Variants in PLEC observed in about 807,000 individuals in gnomAD.
PLEC encodes plectin.
A neutral mutation model predicts 392.8 loss-of-function variants in PLEC; 216 were observed. That is an observed-to-expected ratio of 0.55 (90% CI 0.49 to 0.62). The LOEUF is 0.62. PLEC is among the 20% of genes least tolerant of loss of function. The pLI, the probability that PLEC is intolerant of heterozygous loss-of-function variation, is 0.00. For synonymous variants in PLEC, 3,621 were observed against 2,980.6 expected, an observed-to-expected ratio of 1.21 and a Z score of -7.00; for missense variants, 6,863 against 6,563.4, an observed-to-expected ratio of 1.05 and a Z score of -1.58.
intron 1 of PLEC, among the ~76,000 whole-genome samples, chr8:143,966,710 C>T (rs910942301): frequency 3.9e-5 from 6 of 152,134 alleles, no homozygotes; most frequent in Admixed American, 2.0e-4. Context: ...GATTCTGCCA[C>T]AGGACAGGGC....
At position 143,924,074 on chromosome 8, in the gene PLEC, C is replaced by G; in HGVS notation, c.5855G>C (p.Arg1952Pro). 6.3e-7 allele frequency: 1 copy of G among 1,597,794 alleles called. No individual in the cohort carries two copies. The highest frequency in any genetic ancestry group is 8.5e-7 in the Non-Finnish European group (1 of 1,179,162). ...GCGCAGCGTGTCCTCCGCGTTGCTGCGGATGCGTCCCAGCTCCAGCTCCAG... is the reference window on the plus strand; with the variant it reads ...GCGCAGCGTGTCCTCCGCGTTGCTGGGGATGCGTCCCAGCTCCAGCTCCAG... ...AELELELGRI[R>P]SNAEDTLRSK... is the part of the protein sequence containing the mutation. Residue 1952 changes from arginine (R) to proline (P), a missense_variant, in exon 31 of 32, where the codon CGC becomes CCC. By Grantham distance (103) the Arg-to-Pro change is moderately radical. Transcript: ENST00000345136.
At chr8:143,970,713 TGCATTG>T (rs1271584148) in intron 1 of PLEC, among the ~76,000 whole-genome samples, 5 of 152,270 alleles carry the variant, frequency 3.3e-5, no homozygotes, top group Middle Eastern at 3.4e-3. Flanking sequence ...TCCACTCACC[TGCATTG>T]CCACAACTCT....
rs1829616853 is a variant in PLEC at position 143,938,335 on chromosome 8, G to A, written c.175-95C>T. On this transcript the variant is annotated intron_variant, in intron 2 of 31. Coordinates refer to ENST00000345136, the MANE Select transcript of PLEC (RefSeq NM_201384.3). ...ACAGAGTGGGTGCTGGTCCCAGAGG[G>A]AAGGAGGCGGGGGCTGAGTCTCCCG... 6.5e-6 allele frequency: 10 copies of A among 1,536,964 alleles called. No individual in the cohort carries two copies. The East Asian group carries it at 1.5e-4, about 23-fold the overall frequency.
rs1554703829 is a variant in PLEC, at chr8:143,925,725, C to A, written c.4204G>T (p.Val1402Leu). 2 of 1,595,710 alleles carry A rather than the reference C, an allele frequency of 1.3e-6. No homozygotes were observed. Among genetic ancestry groups the A allele is most frequent in the African/African-American group, 2.7e-5 (2 of 74,838 alleles). The change falls in exon 31 of 32, where the codon GTG becomes TTG. Residue 1402 changes from valine (V) to leucine (L), a missense_variant. Coordinates refer to ENST00000345136, the MANE Select transcript of PLEC (RefSeq NM_201384.3). ...TCCACCGCCGCCTCCTCCCGCCGCA[C>A]CACCTCCTCCTGCATGCGCTGCTGC... ...ELQQRMQEEV[V>L]RREEAAVDAQ... is the part of the protein sequence containing the mutation.
At chr8:143,922,468 G>A (rs782627378) in intron 31 of PLEC, 36 bp downstream of exon 31, 10 of 1,602,288 alleles carry the variant, frequency 6.2e-6, no homozygotes, top group Non-Finnish European at 8.5e-6. Context: ...CAGATCCCCG[G>A]GCCCACCCGC....
In PLEC at chr8:143,933,045, G is replaced by A. The variant is rs907620065; in HGVS notation, c.1485C>T (p.Gly495=). Residue 495 remains glycine, a synonymous_variant, in exon 14 of 32, where the codon GGC becomes GGT. Coordinates refer to ENST00000345136, the MANE Select transcript of PLEC (RefSeq NM_201384.3). The stretch of plus-strand genomic sequence containing the variant: ...CCACCTGGGTTGCAGGGGCCGCCAC[G>A]CCTGCCTTCAGCCGTAGGTTGTACT... ...RTEYNLRLKA[G]VAAPATQVAQ... 9.4e-6 allele frequency: 15 copies of A among 1,594,392 alleles called. No individual in the cohort carries two copies. Among genetic ancestry groups the A allele is most frequent in the East Asian group, 2.3e-5 (1 of 43,754 alleles).
At position 143,920,312 on chromosome 8, in the gene PLEC, G is replaced by T; in HGVS notation, c.9509C>A (p.Ala3170Asp). Residue 3170 changes from alanine (A) to aspartate (D), a missense_variant, in exon 32 of 32, where the codon GCC becomes GAC. By Grantham distance (126) the Ala-to-Asp change is moderately radical (BLOSUM62 -2). Transcript: ENST00000345136. ...RGCLDEETSR[A>D]LSAPRADAKA... The stretch of plus-strand genomic sequence containing the variant: ...GGCGTCGGCCCTTGGTGCCGACAGG[G>T]CCCTGCTGGTCTCCTCATCCAGGCA... The T allele has an allele frequency of 6.3e-7, 1 of 1,591,206 alleles. No homozygotes were observed. Among genetic ancestry groups the T allele is most frequent in the Non-Finnish European group, 8.5e-7 (1 of 1,174,730 alleles).
At chr8:143,949,640 C>T (rs1262661672) in intron 1 of PLEC, among the ~76,000 whole-genome samples, 3 of 152,238 alleles carry the variant, frequency 2.0e-5, no homozygotes, top group Non-Finnish European at 4.4e-5. Context: ...TCTCCCCATC[C>T]CGCCCAGGGC....
rs1399679332 is a variant in PLEC at position 143,924,043 on chromosome 8, C to T, written c.5886G>A (p.Lys1962=). The T allele has an allele frequency of 1.3e-6, 2 of 1,595,882 alleles. No homozygotes were observed. Among genetic ancestry groups the T allele is most frequent in the Middle Eastern group, 1.6e-4 (1 of 6,072 alleles). ...RSNAEDTLRS[K]EQAELEAARQ... ...TCGCAGCCTCCAGCTCGGCCTGCTC[C>T]TTGCTGCGCAGCGTGTCCTCCGCGT... The change falls in exon 31 of 32, where the codon AAG becomes AAA. Residue 1962 remains lysine (K), a synonymous_variant. Transcript: ENST00000345136.
upstream of PLEC, among the ~76,000 whole-genome samples, chr8:143,952,152 G>A: frequency 6.6e-6 from 1 of 151,890 alleles, no homozygotes; most frequent in East Asian, 1.9e-4. Flanking sequence ...TTATGGGGCC[G>A]TCGCCATGGC....
At chr8:143,927,126 G>A (rs782723567) in intron 28 of PLEC, 45 bp from the exon 29 acceptor site, 2 of 1,570,958 alleles carry the variant, frequency 1.3e-6, no homozygotes, top group South Asian at 1.1e-5. Flanking sequence ...GCCCTCCGAT[G>A]GCCCCTGCCC....
At chr8:143,962,211 A>G (rs931408759) in intron 1 of PLEC, among the ~76,000 whole-genome samples, 5 of 152,202 alleles carry the variant, frequency 3.3e-5, no homozygotes, top group African/African-American at 1.2e-4. Context: ...TGGGCCCTAG[A>G]TCCAAAAGCA....
In PLEC at chr8:143,923,486, C is replaced by T. The variant is rs199821611; in HGVS notation, c.6443G>A (p.Arg2148Gln). The T allele has an allele frequency of 1.6e-4, 259 of 1,601,064 alleles. No homozygotes were observed. The highest frequency in any genetic ancestry group is 2.0e-4 in the Admixed American group (12 of 59,820). Residue 2148 changes from arginine (R) to glutamine (Q), a missense_variant, in exon 31 of 32, where the codon CGG becomes CAG. Arg to Gln is a conservative substitution (Grantham distance 43). Transcript: ENST00000345136. ...GGCCGCCTGCTCCGCCTGTGCCCGC[C>T]GCGCCGCCTCTTGCTCGGCCTCCTT... ...LRKEAEQEAA[R>Q]RAQAEQAALR...
At chr8:143,938,423 G>C (rs1554725558) in intron 2 of PLEC, 183 bp from the exon 3 acceptor site, 1 of 1,537,874 alleles carries the variant, frequency 6.5e-7, no homozygotes, top group Non-Finnish European at 8.7e-7. Flanking sequence ...GTGCTGCAAG[G>C]AGAGACCAGG....
At chr8:143,952,994 C>CG (rs56401356), upstream of PLEC, among the ~76,000 whole-genome samples, 40,181 of 130,854 alleles carry the variant, frequency 0.31, 7,147 homozygotes, top group Non-Finnish European at 0.39. Context: ...ATGCGCCACC[C>CG]CCCCCCGCCT....
chr8:143,924,595 C>T lies in PLEC; in HGVS notation c.5334G>A (p.Ser1778=), dbSNP rs533622449. Residue 1778 remains serine, a synonymous_variant, in exon 31 of 32, where the codon TCG becomes TCA. Coordinates refer to ENST00000345136, the MANE Select transcript of PLEC (RefSeq NM_201384.3). ...LASKARAEEE[S]RSTSEKSKQR... is the part of the protein sequence containing the mutation. ...GCTTGGACTTCTCGCTGGTGGAGCGCGACTCCTCCTCAGCCCTCGCCTTGC... is the reference window on the plus strand; with the variant it reads ...GCTTGGACTTCTCGCTGGTGGAGCGTGACTCCTCCTCAGCCCTCGCCTTGC... 4.5e-5 allele frequency: 70 copies of T among 1,548,938 alleles called. No homozygotes were observed. The highest frequency in any genetic ancestry group is 9.4e-5 in the Admixed American group (5 of 53,356).
At chr8:143,946,623 C>T (rs1294743634) in intron 1 of PLEC, 2 of 307,864 alleles carry the variant, frequency 6.5e-6, no homozygotes, top group African/African-American at 4.5e-5. Context: ...CCTGCAATCC[C>T]AGAGAGCCCT....
At chr8:143,943,925 T>C, upstream of PLEC, 2 of 1,603,766 alleles carry the variant, frequency 1.2e-6, no homozygotes, top group Non-Finnish European at 1.7e-6. Context: ...CTGCCCTTCC[T>C]GCGCTGGGAA....
chr8:143,956,138 G>A (rs1006898110), upstream of PLEC, among the ~76,000 whole-genome samples: 76 of 152,026 alleles, frequency 5.0e-4, no homozygotes, highest in African/African-American at 1.8e-3. Context: ...AGTTGAGATG[G>A]GGTTTCACCA....
Sources: allele counts gnomAD v4.1 joint callset (sites outside exome capture counted in the v4.1 genomes callset), GRCh38; gene constraint gnomAD v4.1.1; transcripts MANE v1.5; gene names NCBI Gene and HGNC (gene_info 2026-07-23, HGNC 2026-07-21).